CUX1: variants seen among roughly 807,000 people sequenced by gnomAD.
CUX1 encodes protein CASP.
Under a neutral mutation model 158.8 loss-of-function variants are expected in CUX1, and 31 were observed. The ratio of observed to expected loss-of-function variants is 0.20; its 90% CI spans 0.15 to 0.26. The LOEUF (loss-of-function observed/expected upper bound fraction) is 0.26. Ranked by LOEUF, CUX1 falls within the 10% of genes least tolerant of loss-of-function variation. The probability of loss-of-function intolerance (pLI) is 1.00; values close to 1 mark genes in which losing one functional copy is unlikely to be tolerated. For synonymous variants in CUX1, 879 were observed against 862.1 expected (o/e 1.02, Z -0.34); for missense variants, 1,589 against 2,014.6 (o/e 0.79, Z 4.04).
upstream of CUX1, among the ~76,000 whole-genome samples, chr7:101,816,339 CG>C (rs942376618): frequency 6.9e-6 from 1 of 144,412 alleles, no homozygotes; most frequent in Non-Finnish European, 1.5e-5. Context: ...AAGATGGCGC[CG>C]GGAGCCGCCG....
chr7:101,904,117 A>AACACACACACACACACACAC (rs10622369), intron 1 of CUX1, among the ~76,000 whole-genome samples: 19 of 143,762 alleles, frequency 1.3e-4, no homozygotes, highest in Admixed American at 2.1e-4. Context: ...GTCTTTACAA[A>AACACACACACACACACACAC]ACACACACAC....
intron 23 of CUX1, among the ~76,000 whole-genome samples, chr7:102,243,659 T>TA (rs1270125740): frequency 6.8e-6 from 1 of 146,130 alleles, no homozygotes; most frequent in African/African-American, 2.5e-5. Flanking sequence ...ATAATAATAA[T>TA]AATAATAATA....
intron 1 of CUX1, among the ~76,000 whole-genome samples, chr7:101,907,941 A>C (rs1323287394): frequency 6.6e-6 from 1 of 152,120 alleles, no homozygotes; most frequent in African/African-American, 2.4e-5. Flanking sequence ...ACAACATAGC[A>C]AGACTTCCAT....
chr7:102,042,329 G>A (rs532798863), intron 3 of CUX1, among the ~76,000 whole-genome samples: 2 of 152,216 alleles, frequency 1.3e-5, no homozygotes, highest in African/African-American at 4.8e-5. Context: ...ATTTTTCAAA[G>A]CCCACCTCTG....
chr7:102,259,503 G>T (rs1790216342), downstream of CUX1, among the ~76,000 whole-genome samples: 1 of 152,124 alleles, frequency 6.6e-6, no homozygotes, highest in Non-Finnish European at 1.5e-5. Context: ...CAGGAGAATT[G>T]CTTGAACCTG....
chr7:101,997,007 A>C (rs1461911655), intron 2 of CUX1, among the ~76,000 whole-genome samples: 1 of 151,854 alleles, frequency 6.6e-6, no homozygotes, highest in Non-Finnish European at 1.5e-5. Context: ...GCTCGTGTGC[A>C]CTCCGGCCCA....
intron 11 of CUX1, among the ~76,000 whole-genome samples, chr7:102,189,540 C>T (rs1229839047): frequency 6.6e-6 from 1 of 152,146 alleles, no homozygotes; most frequent in East Asian, 1.9e-4. Flanking sequence ...GAATTACAGG[C>T]GTGAGCCACC....
intron 1 of CUX1, among the ~76,000 whole-genome samples, chr7:101,876,084 G>A (rs537699886): frequency 3.3e-5 from 5 of 152,232 alleles, no homozygotes; most frequent in Admixed American, 6.5e-5. Context: ...GGTGGCTCAC[G>A]CCTGTAATCC....
At chr7:102,132,347 T>A (rs1236476796) in intron 8 of CUX1, among the ~76,000 whole-genome samples, 9 of 151,806 alleles carry the variant, frequency 5.9e-5, no homozygotes, top group African/African-American at 1.7e-4. Flanking sequence ...CACGCATCTT[T>A]ACAGAACAAT....
intron 11 of CUX1, among the ~76,000 whole-genome samples, chr7:102,181,391 TTCTC>T (rs1256422964): frequency 2.0e-5 from 3 of 152,198 alleles, no homozygotes; most frequent in African/African-American, 7.2e-5. Flanking sequence ...TAATTTGCCT[TTCTC>T]TCCATTGTCA....
chr7:101,906,482 C>T (rs114280049), intron 1 of CUX1, among the ~76,000 whole-genome samples: 1,837 of 152,036 alleles, frequency 0.012, 42 homozygotes, highest in African/African-American at 0.043. Flanking sequence ...ACTAGGGGAA[C>T]GTCAGCATGC....
chr7:101,839,542 G>C (rs1794999155), intron 1 of CUX1, among the ~76,000 whole-genome samples: 1 of 152,178 alleles, frequency 6.6e-6, no homozygotes, highest in South Asian at 2.1e-4. Flanking sequence ...TGGTTTTAAA[G>C]TGGTACTTCA....
rs781986969 is a variant in CUX1 at position 102,201,997 on chromosome 7, C to T, written c.2700C>T (p.Ala900=). ...GCTCAGAGCTGAGTCTGACCGGGGC[C>T]AGCCGCAGCGAGACACCACAGAACA... is the stretch of plus-strand genomic sequence containing the variant. ...SQSSELSLTG[A]SRSETPQNSP... Residue 900 remains alanine, a synonymous_variant, in exon 18 of 24, where the codon GCC becomes GCT. Coordinates refer to ENST00000292535, the MANE Select transcript of CUX1 (RefSeq NM_181552.4). This position sits in a 1 kb window ranked among gnomAD's most constrained non-coding sequence, Gnocchi z 5.0. 2 of 1,614,018 alleles carry T rather than the reference C, an allele frequency of 1.2e-6. No homozygotes were observed. The highest frequency in any genetic ancestry group is 2.2e-5 in the South Asian group (2 of 91,056).
At position 101,861,866 on chromosome 7, in the gene CUX1, C is replaced by A. The variant is rs530145129; in HGVS notation, c.30+44197C>A. ...TGCAACCTCCACCTCCCGGAGTCTC[C>A]CTCTGTGGCCCAGGCTGGAGTGCAG... On this transcript the variant is annotated intron_variant, in intron 1 of 23. Coordinates refer to ENST00000292535, the MANE Select transcript of CUX1 (RefSeq NM_181552.4). Among the ~76,000 whole-genome samples, 3 of 151,488 alleles carry A rather than the reference C, an allele frequency of 2.0e-5. No homozygotes were observed. The East Asian group carries it at 5.8e-4, about 29-fold the overall frequency.
intron 23 of CUX1, among the ~76,000 whole-genome samples, chr7:102,246,600 C>A (rs1345713686): frequency 6.6e-6 from 1 of 151,408 alleles, no homozygotes; most frequent in Non-Finnish European, 1.5e-5. Context: ...GAGACAGGAT[C>A]TTGCTCTGTC....
intron 1 of CUX1, among the ~76,000 whole-genome samples, chr7:101,863,746 T>C (rs1196456665): frequency 6.6e-6 from 1 of 152,182 alleles, no homozygotes; most frequent in Non-Finnish European, 1.5e-5. Flanking sequence ...ATGATTCCAC[T>C]TTGTCTCTAT....
chr7:102,131,206 G>A (rs1833194714), intron 8 of CUX1, among the ~76,000 whole-genome samples: 1 of 151,662 alleles, frequency 6.6e-6, no homozygotes, highest in Non-Finnish European at 1.5e-5. Context: ...AATGTAATTA[G>A]AAATCCAATT....
upstream of CUX1, among the ~76,000 whole-genome samples, chr7:101,816,689 C>G (rs1229987250): frequency 5.7e-4 from 83 of 145,130 alleles, no homozygotes; most frequent in Non-Finnish European, 1.0e-3. Flanking sequence ...CCACTGCCGC[C>G]GGCGCGGCGG....
At chr7:102,102,646 G>A (rs1158328513) in intron 5 of CUX1, among the ~76,000 whole-genome samples, 2 of 152,046 alleles carry the variant, frequency 1.3e-5, no homozygotes, top group Admixed American at 6.6e-5. Flanking sequence ...GCCCGGCCTC[G>A]GCTCCTTCAG....
Sources: allele counts gnomAD v4.1 joint callset (sites outside exome capture counted in the v4.1 genomes callset), GRCh38; gene constraint gnomAD v4.1.1; non-coding constraint Gnocchi (gnomAD v3.1); transcripts MANE v1.5; gene names NCBI Gene and HGNC (gene_info 2026-07-23, HGNC 2026-07-21).